HS6ST3: variants seen among roughly 807,000 people sequenced by gnomAD.
HS6ST3 encodes heparan sulfate 6-O-sulfotransferase 3.
HS6ST3 carries 12 observed loss-of-function variants against 36.7 expected under a neutral mutation model. The observed-to-expected ratio is 0.33, with a 90% confidence interval of 0.21 to 0.53. HS6ST3 has a LOEUF of 0.53. Among genes scored for constraint, HS6ST3 ranks in the 20% least tolerant of loss-of-function variants. HS6ST3 has a pLI of 0.95. For synonymous variants in HS6ST3, 240 were observed against 257.5 expected, an observed-to-expected ratio of 0.93 and a Z score of 0.65; for missense variants, 584 against 640.9, an observed-to-expected ratio of 0.91 and a Z score of 0.96.
intron 1 of HS6ST3, among the ~76,000 whole-genome samples, chr13:96,237,860 T>A (rs1254835264): frequency 6.6e-6 from 1 of 152,204 alleles, no homozygotes; most frequent in Admixed American, 6.5e-5. Flanking sequence ...TTGTTTTTCT[T>A]CATATCTCAC....
intron 1 of HS6ST3, among the ~76,000 whole-genome samples, chr13:96,156,161 G>A (rs568121519): frequency 4.6e-5 from 7 of 152,280 alleles, no homozygotes; most frequent in South Asian, 2.1e-4. Context: ...ATAGAAGCCC[G>A]TTGAGGAAGA....
chr13:96,548,801 C>T (rs992602622), intron 1 of HS6ST3, among the ~76,000 whole-genome samples: 1 of 152,160 alleles, frequency 6.6e-6, no homozygotes, highest in Non-Finnish European at 1.5e-5. Context: ...GAGTGTCAGC[C>T]TTTTGTTCTG....
At chr13:96,632,888 T>C (rs1163597202) in intron 1 of HS6ST3, among the ~76,000 whole-genome samples, 2 of 152,174 alleles carry the variant, frequency 1.3e-5, no homozygotes, top group African/African-American at 4.8e-5. Context: ...AGGCAAGATA[T>C]TAGTAGATGT....
intron 1 of HS6ST3, among the ~76,000 whole-genome samples, chr13:96,100,804 A>T (rs1247433966): frequency 1.3e-5 from 2 of 152,330 alleles, no homozygotes; most frequent in East Asian, 3.9e-4. Context: ...GGGTCCAGTG[A>T]TGGGAGGGAT....
At chr13:96,572,463 A>AATTTG (rs377256293) in intron 1 of HS6ST3, among the ~76,000 whole-genome samples, 3 of 152,302 alleles carry the variant, frequency 2.0e-5, no homozygotes, top group African/African-American at 7.2e-5. Context: ...GCATATAAAC[A>AATTTG]ATTTGCTAAT....
intron 1 of HS6ST3, among the ~76,000 whole-genome samples, chr13:96,450,371 A>C (rs1210927408): frequency 1.3e-5 from 2 of 152,186 alleles, no homozygotes; most frequent in African/African-American, 2.4e-5. Flanking sequence ...TCTGAACAGA[A>C]CATTGATGTT....
At chr13:96,725,555 A>C (rs1875981607) in intron 1 of HS6ST3, among the ~76,000 whole-genome samples, 1 of 152,170 alleles carries the variant, frequency 6.6e-6, no homozygotes, top group Non-Finnish European at 1.5e-5. Flanking sequence ...TAAGTACAAA[A>C]TGTAGATAGA....
intron 1 of HS6ST3, among the ~76,000 whole-genome samples, chr13:96,512,928 C>T (rs1222448924): frequency 6.6e-6 from 1 of 151,520 alleles, no homozygotes; most frequent in Non-Finnish European, 1.5e-5. Context: ...TCTTTCACTA[C>T]AGGAGGAGCG....
In HS6ST3 at chr13:96,740,880, G is replaced by C. The variant is rs181380929; in HGVS notation, c.708-91610G>C. On this transcript the variant is annotated intron_variant, in intron 1 of 1. Transcript: ENST00000376705. ...AACTGCTCACAAATGGACCAACTCAGAGTCTCTGGCAACAAGGCTGAGGCA... is the reference window on the plus strand; with the variant it reads ...AACTGCTCACAAATGGACCAACTCACAGTCTCTGGCAACAAGGCTGAGGCA... Among the ~76,000 whole-genome samples the C allele has an allele frequency of 1.8e-3, 278 of 152,258 alleles. 2 individuals carry two copies. Among genetic ancestry groups the C allele is most frequent in the South Asian group, 5.8e-3 (28 of 4,822 alleles).
chr13:96,182,173 A>G (rs746624305), intron 1 of HS6ST3, among the ~76,000 whole-genome samples: 1 of 152,220 alleles, frequency 6.6e-6, no homozygotes, highest in Non-Finnish European at 1.5e-5. Context: ...AAACATTCCC[A>G]AAATAGCACT....
chr13:96,617,139 C>T (rs2138992304), intron 1 of HS6ST3, among the ~76,000 whole-genome samples: 1 of 152,260 alleles, frequency 6.6e-6, no homozygotes, highest in South Asian at 2.1e-4. Flanking sequence ...AATAGCCTTT[C>T]TCTAATAAAA....
At chr13:96,648,353 T>A (rs997737415) in intron 1 of HS6ST3, among the ~76,000 whole-genome samples, 1 of 152,012 alleles carries the variant, frequency 6.6e-6, no homozygotes, top group Non-Finnish European at 1.5e-5. Flanking sequence ...TTCTACCCAA[T>A]CTCTTGAGTG....
intron 1 of HS6ST3, among the ~76,000 whole-genome samples, chr13:96,604,047 A>G (rs905932317): frequency 5.9e-5 from 9 of 152,236 alleles, no homozygotes; most frequent in African/African-American, 2.2e-4. Flanking sequence ...ATGAGGTCAC[A>G]TGAATGCTTG....
intron 1 of HS6ST3, among the ~76,000 whole-genome samples, chr13:96,328,428 A>G (rs1184466727): frequency 6.6e-6 from 1 of 152,016 alleles, no homozygotes; most frequent in East Asian, 1.9e-4. Context: ...TTCTGCATCT[A>G]TTGAGATAAT....
intron 1 of HS6ST3, among the ~76,000 whole-genome samples, chr13:96,286,237 T>G (rs966648821): frequency 1.3e-5 from 2 of 152,096 alleles, no homozygotes; most frequent in Non-Finnish European, 2.9e-5. Flanking sequence ...CGTTCTCCCC[T>G]TCTGCTTTAT....
chr13:96,159,362 CTTG>C (rs1176005446), intron 1 of HS6ST3, among the ~76,000 whole-genome samples: 17 of 152,128 alleles, frequency 1.1e-4, no homozygotes, highest in Admixed American at 9.8e-4. Flanking sequence ...TGGAGTTAGT[CTTG>C]TTGTTTGTTT....
chr13:96,178,639 GA>G (rs1231807558), intron 1 of HS6ST3, among the ~76,000 whole-genome samples: 1 of 152,110 alleles, frequency 6.6e-6, no homozygotes, highest in Non-Finnish European at 1.5e-5. Flanking sequence ...GTGCACTGGG[GA>G]TACTTTCTAC....
chr13:96,479,763 C>T (rs1011513957), intron 1 of HS6ST3, among the ~76,000 whole-genome samples: 7 of 152,130 alleles, frequency 4.6e-5, no homozygotes, highest in African/African-American at 4.8e-5. Context: ...TTTTTTCTTA[C>T]GCAGAGTCTA....
intron 1 of HS6ST3, among the ~76,000 whole-genome samples, chr13:96,824,254 G>A (rs549881991): frequency 5.9e-5 from 9 of 152,330 alleles, no homozygotes; most frequent in East Asian, 1.9e-4. Flanking sequence ...GCTTGGTGCC[G>A]TGCGACGCAC....
Sources: gnomAD v4.1 joint callset for allele counts (sites outside exome capture counted in the v4.1 genomes callset) on GRCh38, gnomAD v4.1.1 for gene constraint, MANE v1.5 for transcripts, NCBI Gene and HGNC (gene_info 2026-07-23, HGNC 2026-07-21) for gene names.